DIAPH3: variants seen among roughly 807,000 people sequenced by gnomAD.
DIAPH3 encodes the protein diaphanous related formin 3.
In DIAPH3, 117 loss-of-function variants were observed where a neutral mutation model predicts 144.3. The ratio of observed to expected loss-of-function variants is 0.81; its 90% confidence interval spans 0.70 to 0.95. The LOEUF is 0.95. Among genes scored for constraint, DIAPH3 ranks in the 40% least tolerant of loss-of-function variants. DIAPH3 has a pLI of 0.00. For missense variants in DIAPH3, 1,421 were observed against 1,412.7 expected (o/e 1.01, Z -0.09); for synonymous variants, 519 against 488.9 (o/e 1.06, Z -0.81).
intron 20 of DIAPH3, among the ~76,000 whole-genome samples, chr13:59,889,612 TC>T (rs2045664847): frequency 1.3e-5 from 2 of 152,080 alleles, no homozygotes; most frequent in Non-Finnish European, 2.9e-5. Flanking sequence ...ATTTTGGACT[TC>T]TTTTTTTCTT....
intron 25 of DIAPH3, 54 bp from the exon 26 acceptor site, chr13:59,774,877 G>T: frequency 6.9e-7 from 1 of 1,456,978 alleles, no homozygotes. Context: ...CCATAGCAAT[G>T]TCAAAGCATA....
chr13:59,888,245 C>A (rs1299080955), intron 20 of DIAPH3, among the ~76,000 whole-genome samples: 3 of 151,952 alleles, frequency 2.0e-5, no homozygotes, highest in Non-Finnish European at 4.4e-5. Context: ...CAGAGAGCTG[C>A]CTTGTCCCTC....
intron 24 of DIAPH3, among the ~76,000 whole-genome samples, chr13:59,825,697 T>G (rs915462944): frequency 3.3e-5 from 5 of 152,124 alleles, no homozygotes; most frequent in Non-Finnish European, 7.4e-5. Context: ...CCCAGCACCT[T>G]TTGTTTCCTG....
chr13:60,066,559 T>C (rs973802291), intron 4 of DIAPH3, among the ~76,000 whole-genome samples: 1 of 152,182 alleles, frequency 6.6e-6, no homozygotes, highest in Admixed American at 6.6e-5. Context: ...AGAAAGTGAA[T>C]CTAGACCACC....
chr13:60,102,838 C>T (rs1176252471), intron 3 of DIAPH3, among the ~76,000 whole-genome samples: 1 of 152,180 alleles, frequency 6.6e-6, no homozygotes, highest in Non-Finnish European at 1.5e-5. Context: ...AGACTCACTT[C>T]ATCATCTATT....
At chr13:59,886,142 G>A (rs1318710975) in intron 20 of DIAPH3, among the ~76,000 whole-genome samples, 2 of 152,020 alleles carry the variant, frequency 1.3e-5, no homozygotes, top group Admixed American at 1.3e-4. Flanking sequence ...ACCAACTTAT[G>A]TTTTATTCTA....
chr13:60,151,082 C>T (rs1951757426), intron 1 of DIAPH3, among the ~76,000 whole-genome samples: 1 of 149,324 alleles, frequency 6.7e-6, no homozygotes. Flanking sequence ...TACCAGTGTC[C>T]CCCAGGAAAA....
rs544201362 is a variant in DIAPH3 at position 59,992,728 on chromosome 13, A to G, written c.1015-145T>C. On this transcript the variant is annotated intron_variant, in intron 9 of 27. Transcript: ENST00000400324. Reference sequence around the variant, plus strand: ...TAAGCAAAATATTTCAGTCAGTTATAAACTACAGAAGAAATAAAGTTTCAG... The same window carrying G: ...TAAGCAAAATATTTCAGTCAGTTATGAACTACAGAAGAAATAAAGTTTCAG... 8 of 689,162 alleles carry G rather than the reference A, an allele frequency of 1.2e-5. No homozygotes were observed. The Admixed American group carries it at 1.5e-4, about 13-fold the overall frequency. The allele number at this position is 689,162 out of a possible 1,614,324, so 42.7% of individuals were successfully genotyped here. A position where few individuals can be genotyped will look rare whatever the true frequency, so the allele number is the denominator to read the frequency against.
intron 15 of DIAPH3, among the ~76,000 whole-genome samples, chr13:59,972,842 C>G: frequency 6.6e-6 from 1 of 152,022 alleles, no homozygotes; most frequent in East Asian, 1.9e-4. Context: ...ACCTAAACTA[C>G]CTGGTTGTGA....
At chr13:60,010,496 T>G (rs2053168146) in intron 8 of DIAPH3, 37 bp downstream of exon 8, 1 of 1,524,272 alleles carries the variant, frequency 6.6e-7, no homozygotes, top group Admixed American at 2.0e-5. Context: ...TGTATTAAAT[T>G]ATTATATAAT....
chr13:59,741,679 T>C (rs1275114875), intron 27 of DIAPH3, among the ~76,000 whole-genome samples: 4 of 145,462 alleles, frequency 2.7e-5, no homozygotes, highest in Admixed American at 1.5e-4. Flanking sequence ...ATTGCACCAC[T>C]GCCTTCCAGC....
At chr13:60,064,009 TA>T (rs886255976) in intron 4 of DIAPH3, among the ~76,000 whole-genome samples, 7 of 152,088 alleles carry the variant, frequency 4.6e-5, no homozygotes, top group Admixed American at 6.6e-5. Flanking sequence ...TGAACAGAAA[TA>T]TTTTTTTAAA....
At chr13:59,786,248 A>T (rs2039023397) in intron 25 of DIAPH3, among the ~76,000 whole-genome samples, 2 of 152,206 alleles carry the variant, frequency 1.3e-5, no homozygotes, top group Admixed American at 1.3e-4. Context: ...CCAAATTTGA[A>T]TCTAAATAAT....
intron 4 of DIAPH3, among the ~76,000 whole-genome samples, chr13:60,076,389 T>C (rs1418478651): frequency 6.6e-6 from 1 of 152,184 alleles, no homozygotes; most frequent in Non-Finnish European, 1.5e-5. Context: ...TTGTATAGTT[T>C]CAAAGTAGAT....
chr13:59,815,644 G>A (rs116850494), intron 24 of DIAPH3, among the ~76,000 whole-genome samples: 2,934 of 152,032 alleles, frequency 0.019, 41 homozygotes, highest in Non-Finnish European at 0.027. Flanking sequence ...TGTAGAGATG[G>A]GGGTCTTGAT....
intron 19 of DIAPH3, among the ~76,000 whole-genome samples, chr13:59,913,680 C>T (rs564815998): frequency 9.3e-4 from 141 of 152,218 alleles, no homozygotes; most frequent in African/African-American, 3.3e-3. Flanking sequence ...AATATACAGC[C>T]GGGCATGGTG....
intron 24 of DIAPH3, among the ~76,000 whole-genome samples, chr13:59,832,206 AAT>A (rs1467624879): frequency 1.3e-5 from 2 of 151,892 alleles, no homozygotes; most frequent in East Asian, 3.8e-4. Flanking sequence ...GGAGAAAATA[AAT>A]TAGAACTGTG....
chr13:60,083,725 G>A (rs964309561), intron 4 of DIAPH3, among the ~76,000 whole-genome samples: 1 of 151,876 alleles, frequency 6.6e-6, no homozygotes, highest in Admixed American at 6.6e-5. Flanking sequence ...ATAGACCAAG[G>A]GACTCCCTCT....
chr13:60,132,182 C>G (rs982182877), intron 2 of DIAPH3, among the ~76,000 whole-genome samples: 2 of 152,088 alleles, frequency 1.3e-5, no homozygotes, highest in Non-Finnish European at 2.9e-5. Context: ...TGTATTCTGC[C>G]TTACCCAGGT....
Sources: gnomAD v4.1 joint callset for allele counts (sites outside exome capture counted in the v4.1 genomes callset) on GRCh38, gnomAD v4.1.1 for gene constraint, MANE v1.5 for transcripts, NCBI Gene and HGNC (gene_info 2026-07-23, HGNC 2026-07-21) for gene names.